PDGFD: variants seen among roughly 807,000 people sequenced by gnomAD.
PDGFD encodes the protein platelet-derived growth factor D.
In PDGFD, 30 loss-of-function variants were observed where a neutral mutation model predicts 44.7. The ratio of observed to expected loss-of-function variants is 0.67; its 90% CI spans 0.50 to 0.91. PDGFD has a LOEUF of 0.91. PDGFD is among the 40% of genes least tolerant of loss of function. The pLI is 0.00. For missense variants in PDGFD, 445 were observed against 457.8 expected (o/e 0.97, Z 0.25); for synonymous variants, 173 against 168.4 (o/e 1.03, Z -0.21).
chr11:104,046,649 G>A (rs1860445489), intron 1 of PDGFD, among the ~76,000 whole-genome samples: 1 of 147,454 alleles, frequency 6.8e-6, no homozygotes, highest in Non-Finnish European at 1.5e-5. Context: ...CTCTTTTTCA[G>A]TAAGTATTCA....
At chr11:103,967,116 C>T (rs1859032342) in intron 3 of PDGFD, among the ~76,000 whole-genome samples, 1 of 152,152 alleles carries the variant, frequency 6.6e-6, no homozygotes, top group Admixed American at 6.5e-5. Context: ...ATTATTGGTT[C>T]CTTACATGTT....
intron 1 of PDGFD, among the ~76,000 whole-genome samples, chr11:104,108,906 A>G (rs928488784): frequency 5.3e-5 from 8 of 152,172 alleles, no homozygotes; most frequent in African/African-American, 1.7e-4. Context: ...TTGTAGGGAC[A>G]TGGATGAAGC....
intron 6 of PDGFD, among the ~76,000 whole-genome samples, chr11:103,916,020 T>C (rs2450784): frequency 0.56 from 84,356 of 151,926 alleles, 24,430 homozygotes; most frequent in African/African-American, 0.72. Context: ...CCATTCAGGA[T>C]ATGGACATGG....
rs145675281 is a variant in PDGFD, at chr11:104,067,433, TAAGA to T, written c.125-67182_125-67179del. On this transcript the variant is annotated intron_variant, in intron 1 of 6. Coordinates refer to ENST00000393158, the MANE Select transcript of PDGFD (RefSeq NM_025208.5). ...GCAATTTTTCTTGTTTCCTATATAT[TAAGA>T]AAGAAGGAAAGTTACTTCAAATTTG... Among the ~76,000 whole-genome samples, 401 of 152,280 alleles carry T rather than the reference TAAGA, an allele frequency of 2.6e-3. 1 individual carries two copies. Among genetic ancestry groups the T allele is most frequent in the African/African-American group, 8.9e-3 (372 of 41,570 alleles).
intron 1 of PDGFD, chr11:104,037,207 G>T: frequency 6.2e-7 from 1 of 1,613,706 alleles, no homozygotes; most frequent in South Asian, 1.1e-5. Flanking sequence ...ACAGGGCTTG[G>T]CGTCAGGAGA....
chr11:104,125,152 T>A (rs1861824242), intron 1 of PDGFD, among the ~76,000 whole-genome samples: 1 of 152,154 alleles, frequency 6.6e-6, no homozygotes, highest in Non-Finnish European at 1.5e-5. Flanking sequence ...GAAAGTAATA[T>A]GTTAGTAATG....
chr11:104,002,667 T>C (rs1859637819), intron 1 of PDGFD, among the ~76,000 whole-genome samples: 1 of 152,214 alleles, frequency 6.6e-6, no homozygotes, highest in South Asian at 2.1e-4. Flanking sequence ...CAATTATGTA[T>C]TAAGCATAGA....
At chr11:104,122,362 G>C (rs915786290) in intron 1 of PDGFD, among the ~76,000 whole-genome samples, 3 of 152,020 alleles carry the variant, frequency 2.0e-5, no homozygotes, top group African/African-American at 7.2e-5. Context: ...CCAGAAATTT[G>C]TGCAAATGGC....
chr11:103,995,100 C>T lies in PDGFD; in HGVS notation c.510+965G>A, dbSNP rs141553575. On this transcript the variant is annotated intron_variant, in intron 3 of 6. Transcript: ENST00000393158. ...CTTGCTTTGTTGCCCAGGCTGGTCT[C>T]GAGTTCCTGGCTTCAAGAGATCCTC... 5.6e-3 allele frequency among the ~76,000 whole-genome samples: 849 copies of T among 152,094 alleles called. 6 individuals carry two copies. The highest frequency in any genetic ancestry group is 0.019 in the African/African-American group (804 of 41,490).
intron 1 of PDGFD, among the ~76,000 whole-genome samples, chr11:104,000,550 A>C (rs766912093): frequency 1.2e-4 from 17 of 143,608 alleles, no homozygotes; most frequent in Non-Finnish European, 2.3e-4. Flanking sequence ...TATTCAATTG[A>C]TATTCTCCGA....
intron 1 of PDGFD, among the ~76,000 whole-genome samples, chr11:104,109,098 G>GT (rs1861513501): frequency 1.3e-5 from 2 of 151,730 alleles, no homozygotes; most frequent in Non-Finnish European, 2.9e-5. Flanking sequence ...CATACCTAAT[G>GT]TAAATGATGA....
At chr11:103,938,290 T>A (rs1407746423) in intron 5 of PDGFD, among the ~76,000 whole-genome samples, 5 of 152,366 alleles carry the variant, frequency 3.3e-5, no homozygotes, top group African/African-American at 1.2e-4. Context: ...TGATTTGCAT[T>A]TCTCTGATGG....
chr11:104,096,789 A>G (rs1274929665), intron 1 of PDGFD, among the ~76,000 whole-genome samples: 1 of 152,168 alleles, frequency 6.6e-6, no homozygotes, highest in Non-Finnish European at 1.5e-5. Flanking sequence ...TAAATTTGAA[A>G]GAAGATATCA....
intron 1 of PDGFD, among the ~76,000 whole-genome samples, chr11:104,152,494 C>T (rs1453596739): frequency 1.3e-5 from 2 of 152,128 alleles, no homozygotes; most frequent in African/African-American, 4.8e-5. Context: ...ATCTTCTAGA[C>T]TGACTCTTAA....
intron 3 of PDGFD, among the ~76,000 whole-genome samples, chr11:103,963,549 A>G (rs1591097235): frequency 6.6e-6 from 1 of 152,180 alleles, no homozygotes; most frequent in Non-Finnish European, 1.5e-5. Context: ...CATCCCCAGC[A>G]AAGTATTGAG....
chr11:103,920,149 T>C (rs1002967829), intron 6 of PDGFD, among the ~76,000 whole-genome samples: 3 of 152,350 alleles, frequency 2.0e-5, no homozygotes, highest in African/African-American at 4.8e-5. Context: ...AACAGTGTTA[T>C]ATTAAGAAGT....
At chr11:103,984,756 T>A (rs1340247189) in intron 3 of PDGFD, among the ~76,000 whole-genome samples, 1 of 148,300 alleles carries the variant, frequency 6.7e-6, no homozygotes, top group East Asian at 1.9e-4. Flanking sequence ...GAAGTTCATG[T>A]GGCTGAGGTG....
At chr11:103,980,812 G>A (rs899420489) in intron 3 of PDGFD, among the ~76,000 whole-genome samples, 8 of 151,944 alleles carry the variant, frequency 5.3e-5, no homozygotes, top group Non-Finnish European at 5.9e-5. Flanking sequence ...GTCACGTGAA[G>A]CTACAAGAAG....
chr11:104,031,814 T>TA (rs1168223937), intron 1 of PDGFD, among the ~76,000 whole-genome samples: 3 of 152,102 alleles, frequency 2.0e-5, no homozygotes, highest in East Asian at 1.9e-4. Flanking sequence ...TATGCAGCCA[T>TA]AAAAAAGAAT....
Sources: gnomAD v4.1 joint callset for allele counts (sites outside exome capture counted in the v4.1 genomes callset) on GRCh38, gnomAD v4.1.1 for gene constraint, MANE v1.5 for transcripts, NCBI Gene and HGNC (gene_info 2026-07-23, HGNC 2026-07-21) for gene names.